FRK: variants seen among roughly 807,000 people sequenced by gnomAD.
FRK encodes the protein tyrosine-protein kinase FRK.
FRK carries 51 observed loss-of-function variants against 56.4 expected under a neutral mutation model. That is an observed-to-expected ratio of 0.90 (90% CI 0.72 to 1.14). The LOEUF is 1.14. Among genes scored for constraint, FRK ranks in the 50% most tolerant of loss-of-function variants. The pLI, the probability that FRK is intolerant of heterozygous loss-of-function variation, is 0.00. For synonymous variants in FRK, 245 were observed against 217.9 expected (o/e 1.12, Z -1.10); for missense variants, 570 against 601.4 (o/e 0.95, Z 0.55).
chr6:116,075,183 A>T, the FRK span, among the ~76,000 whole-genome samples: 1 of 152,128 alleles, frequency 6.6e-6, no homozygotes, highest in South Asian at 2.1e-4. Context: ...GTGAATCATG[A>T]ACAGATTCTA....
intron 1 of FRK, among the ~76,000 whole-genome samples, chr6:116,031,253 G>A (rs1319760666): frequency 6.6e-6 from 1 of 151,920 alleles, no homozygotes; most frequent in Non-Finnish European, 1.5e-5. Context: ...GTAAAAAAGT[G>A]GAATATGTAC....
chr6:116,034,370 T>C (rs987467231), intron 1 of FRK, among the ~76,000 whole-genome samples: 5 of 152,144 alleles, frequency 3.3e-5, no homozygotes, highest in South Asian at 2.1e-4. Context: ...ACCATAAATA[T>C]GTATAATTAT....
the FRK span, among the ~76,000 whole-genome samples, chr6:116,070,389 T>A: frequency 6.6e-6 from 1 of 152,112 alleles, no homozygotes; most frequent in African/African-American, 2.4e-5. Flanking sequence ...CATTTTTACA[T>A]AGAATGTGAC....
chr6:116,082,228 G>C, the FRK span, among the ~76,000 whole-genome samples: 1 of 152,142 alleles, frequency 6.6e-6, no homozygotes, highest in Non-Finnish European at 1.5e-5. Context: ...AGATAAGAAA[G>C]GGTAACAGAG....
At chr6:116,078,230 C>G in the FRK span, among the ~76,000 whole-genome samples, 1 of 152,158 alleles carries the variant, frequency 6.6e-6, no homozygotes, top group Non-Finnish European at 1.5e-5. Flanking sequence ...AGTAGTGTCC[C>G]AACTTCTGGA....
chr6:115,995,719 G>T (rs3822855), intron 2 of FRK, among the ~76,000 whole-genome samples: 58,393 of 151,950 alleles, frequency 0.38, 12,356 homozygotes, highest in East Asian at 0.78. Flanking sequence ...AAGGTTCTTT[G>T]CCTGTGCATC....
chr6:116,013,871 C>T (rs1377033572), intron 1 of FRK, among the ~76,000 whole-genome samples: 1 of 152,052 alleles, frequency 6.6e-6, no homozygotes. Context: ...CTCTGTATTC[C>T]CTGGATCCAG....
At chr6:116,007,712 A>G (rs940585198) in intron 1 of FRK, among the ~76,000 whole-genome samples, 1 of 152,280 alleles carries the variant, frequency 6.6e-6, no homozygotes, top group East Asian at 1.9e-4. Context: ...TTAGTATATA[A>G]AGTATCATAC....
chr6:116,041,230 G>C (rs1003487635), intron 1 of FRK, among the ~76,000 whole-genome samples: 2 of 152,096 alleles, frequency 1.3e-5, no homozygotes, highest in African/African-American at 4.8e-5. Flanking sequence ...ACAAATGCAA[G>C]GTATTGAGTT....
the FRK span, among the ~76,000 whole-genome samples, chr6:116,089,746 A>G: frequency 6.6e-6 from 1 of 152,188 alleles, no homozygotes; most frequent in South Asian, 2.1e-4. Context: ...TGTTAACTTA[A>G]TCACCTCTTC....
At chr6:116,099,148 G>A in the FRK span, among the ~76,000 whole-genome samples, 1 of 152,112 alleles carries the variant, frequency 6.6e-6, no homozygotes, top group African/African-American at 2.4e-5. Flanking sequence ...AGAGTGCCCT[G>A]GTTCCCTCTC....
At chr6:115,958,664 GAA>G (rs1221335574) in intron 4 of FRK, among the ~76,000 whole-genome samples, 2 of 2,510 alleles carry the variant, frequency 8.0e-4, no homozygotes, top group Non-Finnish European at 1.4e-3. Flanking sequence ...AAGAAAGAAA[GAA>G]AGAAAGAAAG....
At chr6:115,993,024 A>G (rs1463209202) in intron 2 of FRK, among the ~76,000 whole-genome samples, 1 of 151,858 alleles carries the variant, frequency 6.6e-6, no homozygotes, top group Non-Finnish European at 1.5e-5. Flanking sequence ...ATCCATCTGA[A>G]ATTTTCTAGG....
chr6:116,014,000 A>G (rs1775560338), intron 1 of FRK, among the ~76,000 whole-genome samples: 1 of 152,166 alleles, frequency 6.6e-6, no homozygotes, highest in Admixed American at 6.6e-5. Flanking sequence ...CAGAAAAGAC[A>G]CCAGCAAAAC....
chr6:115,997,760 G>A (rs1385852759), intron 2 of FRK, among the ~76,000 whole-genome samples: 1 of 152,032 alleles, frequency 6.6e-6, no homozygotes, highest in African/African-American at 2.4e-5. Context: ...CTCATTTATG[G>A]AGAAAGGAGA....
intron 1 of FRK, among the ~76,000 whole-genome samples, chr6:116,019,488 C>T (rs572543533): frequency 5.3e-5 from 8 of 152,250 alleles, no homozygotes; most frequent in Admixed American, 3.9e-4. Flanking sequence ...AATCCTATGA[C>T]GACGATGACA....
the FRK span, among the ~76,000 whole-genome samples, chr6:116,071,458 T>A: frequency 2.0e-5 from 3 of 152,270 alleles, no homozygotes; most frequent in East Asian, 1.9e-4. Context: ...ACCTCATCAT[T>A]CTCCACTTTT....
At position 116,051,140 on chromosome 6, in the gene FRK, A is replaced by G. The variant is rs569766181; in HGVS notation, c.344+8828T>C. Among the ~76,000 whole-genome samples, 4 of 152,278 alleles carry G rather than the reference A, an allele frequency of 2.6e-5. No individual in the cohort carries two copies. In the South Asian group the frequency reaches 8.3e-4, roughly 32 times the overall value. On this transcript the variant is annotated intron_variant, in intron 1 of 7. Coordinates refer to ENST00000606080, the MANE Select transcript of FRK (RefSeq NM_002031.3). ...GGTATACAACATTTGTGTTAACAGG[A>G]ATATTTACTAAGAAATAGTATTCTA... is the stretch of plus-strand genomic sequence containing the variant.
chr6:116,068,013 T>C, the FRK span, among the ~76,000 whole-genome samples: 5 of 152,216 alleles, frequency 3.3e-5, no homozygotes, highest in Admixed American at 3.3e-4. Flanking sequence ...TTGGCTATAA[T>C]ACAGCTTGGT....
Sources: gnomAD v4.1 joint callset for allele counts (sites outside exome capture counted in the v4.1 genomes callset) on GRCh38, gnomAD v4.1.1 for gene constraint, MANE v1.5 for transcripts, NCBI Gene and HGNC (gene_info 2026-07-23, HGNC 2026-07-21) for gene names.